The following ZKSCAN1 variants were observed in gnomAD, a reference collection of about 807,000 sequenced individuals.
The protein encoded by ZKSCAN1 is zinc finger with KRAB and SCAN domains 1.
In ZKSCAN1, 14 loss-of-function variants were observed where a neutral mutation model predicts 51.6. The ratio of observed to expected loss-of-function variants is 0.27; its 90% CI spans 0.18 to 0.42. ZKSCAN1 has a LOEUF of 0.42. ZKSCAN1 is among the 10% of genes least tolerant of loss of function. The probability of loss-of-function intolerance (pLI) is 1.00; values close to 1 mark genes in which losing one functional copy is unlikely to be tolerated. For synonymous variants in ZKSCAN1, 263 were observed against 261.5 expected (o/e 1.01, Z -0.06); for missense variants, 531 against 710.0 (o/e 0.75, Z 2.86).
chr7:100,038,267 A>G lies in ZKSCAN1; in HGVS notation c.*4070A>G, dbSNP rs1315222691. 1.0e-6 allele frequency: 1 copy of G among 985,264 alleles called. No homozygotes were observed. Among genetic ancestry groups the G allele is most frequent in the Non-Finnish European group, 1.2e-6 (1 of 829,944 alleles). 61.0% of individuals were successfully genotyped at this position (985,264 alleles called of 1,614,324 possible). A position where few individuals can be genotyped will look rare whatever the true frequency, so the allele number is the denominator to read the frequency against. On this transcript the variant is annotated 3_prime_UTR_variant, in exon 6 of 6. Transcript: ENST00000324306. ...ACTGTATTTTATTTTAGCCTATTTGACAGAACACATCACTCAGAAAAAGTG... is the reference window on the plus strand; with the variant it reads ...ACTGTATTTTATTTTAGCCTATTTGGCAGAACACATCACTCAGAAAAAGTG...
downstream of ZKSCAN1, among the ~76,000 whole-genome samples, chr7:100,043,771 ATTTTTTTTTTTT>A (rs772298225): frequency 1.0e-3 from 59 of 58,922 alleles, no homozygotes; most frequent in South Asian, 2.8e-3. Flanking sequence ...TTCTTTCTTG[ATTTTTTTTTTTT>A]TTTTTTTTTT....
At chr7:100,019,894 G>C (rs1790527408) in intron 1 of ZKSCAN1, among the ~76,000 whole-genome samples, 1 of 151,942 alleles carries the variant, frequency 6.6e-6, no homozygotes, top group African/African-American at 2.4e-5. Flanking sequence ...GTAGAGATGG[G>C]GTTTTGCCAT....
downstream of ZKSCAN1, chr7:100,044,817 A>G (rs1260486504): frequency 1.0e-6 from 1 of 985,066 alleles, no homozygotes; most frequent in Non-Finnish European, 1.2e-6. Flanking sequence ...CATGCTGCAC[A>G]TGTCTTCTGC....
chr7:100,016,382 T>G (rs372657157), intron 1 of ZKSCAN1, among the ~76,000 whole-genome samples: 1 of 152,138 alleles, frequency 6.6e-6, no homozygotes, highest in Non-Finnish European at 1.5e-5. Context: ...AAAAGAGCTG[T>G]CCGGGACGTT....
chr7:100,027,976 AAATT>A (rs1790916378), intron 3 of ZKSCAN1, among the ~76,000 whole-genome samples: 1 of 152,094 alleles, frequency 6.6e-6, no homozygotes, highest in Admixed American at 6.6e-5. Flanking sequence ...GTTCTTAAAT[AAATT>A]GAGACATGTA....
At position 100,030,248 on chromosome 7, in the gene ZKSCAN1, G is replaced by C; in HGVS notation, c.673-1G>C. On this transcript the variant is annotated splice_acceptor_variant, in intron 4 of 5. Coordinates refer to ENST00000324306, the MANE Select transcript of ZKSCAN1 (RefSeq NM_003439.4). LOFTEE classifies it high-confidence loss of function. ...TGACTGTTTGTCTCGTGTTATTTTAGGCAATGGTGAAGATCGAGGACATGG... is the reference window on the plus strand; with the variant it reads ...TGACTGTTTGTCTCGTGTTATTTTACGCAATGGTGAAGATCGAGGACATGG... 1 of 1,613,680 alleles carries C rather than the reference G, an allele frequency of 6.2e-7. No homozygotes were observed. Among genetic ancestry groups the C allele is most frequent in the Non-Finnish European group, 8.5e-7 (1 of 1,179,710 alleles).
chr7:100,022,800 A>C (rs1334949631), intron 1 of ZKSCAN1, among the ~76,000 whole-genome samples: 4 of 152,150 alleles, frequency 2.6e-5, no homozygotes, highest in African/African-American at 9.7e-5. Flanking sequence ...TACTGCTTTA[A>C]GCCTGGCACC....
intron 1 of ZKSCAN1, among the ~76,000 whole-genome samples, chr7:100,020,680 G>A (rs917094914): frequency 2.0e-5 from 3 of 152,234 alleles, no homozygotes. Context: ...TATAATTTTT[G>A]TGCTGTTATA....
intron 3 of ZKSCAN1, among the ~76,000 whole-genome samples, chr7:100,026,366 CT>C (rs1193792784): frequency 2.6e-5 from 4 of 151,856 alleles, no homozygotes; most frequent in Non-Finnish European, 5.9e-5. Flanking sequence ...GGACACTACT[CT>C]ACCATAGACT....
chr7:100,027,477 G>A (rs529286091), intron 3 of ZKSCAN1, among the ~76,000 whole-genome samples: 3 of 151,094 alleles, frequency 2.0e-5, no homozygotes, highest in East Asian at 4.0e-4. Flanking sequence ...GTGGCCAGGC[G>A]TGGTGGCTCA....
chr7:100,023,522 T>C lies in ZKSCAN1; in HGVS notation c.16T>C (p.Ser6Pro). Residue 6 changes from serine (S) to proline (P), a missense_variant, in exon 2 of 6, where the codon TCA becomes CCA. Physicochemically the swap from Ser to Pro is moderately conservative, Grantham distance 74. Coordinates refer to ENST00000324306, the MANE Select transcript of ZKSCAN1 (RefSeq NM_003439.4). ...TGGAGCCTGAATGATGACTGCTGAA[T>C]CACGGGAAGCCACGGGTCTGTCCCC... is the stretch of plus-strand genomic sequence containing the variant. MMTAE[S>P]REATGLSPQA... 6 of 1,611,216 alleles carry C rather than the reference T, an allele frequency of 3.7e-6. No individual in the cohort carries two copies. The highest frequency in any genetic ancestry group is 5.1e-6 in the Non-Finnish European group (6 of 1,179,090).
chr7:100,033,987 T>C lies in ZKSCAN1; in HGVS notation c.1482T>C (p.Cys494=), dbSNP rs1289480475. 1 of 1,614,164 alleles carries C rather than the reference T, an allele frequency of 6.2e-7. No homozygotes were observed. The highest frequency in any genetic ancestry group is 1.1e-5 in the South Asian group (1 of 91,072). ...TGEKPYECSE[C]GKAFNRNSYL... ...AGAAACCCTATGAATGTAGTGAATG[T>C]GGAAAAGCTTTCAACCGAAACTCAT... Residue 494 remains cysteine, a synonymous_variant, in exon 6 of 6, where the codon TGT becomes TGC. Transcript: ENST00000324306. This position sits in a 1 kb window ranked among gnomAD's most constrained non-coding sequence, Gnocchi z 4.1.
chr7:100,038,738 G>T lies in ZKSCAN1; in HGVS notation c.*4541G>T, dbSNP rs1009784013. Reference sequence around the variant, plus strand: ...AGGCTGGGCACAGTGGCTCAGGCCTGTAATCCCAGCACTTTGGGAGACCAA... The same window carrying T: ...AGGCTGGGCACAGTGGCTCAGGCCTTTAATCCCAGCACTTTGGGAGACCAA... On this transcript the variant is annotated 3_prime_UTR_variant, in exon 6 of 6. Transcript: ENST00000324306. 7 of 985,348 alleles carry T rather than the reference G, an allele frequency of 7.1e-6. No homozygotes were observed. Among genetic ancestry groups the T allele is most frequent in the African/African-American group, 1.7e-5 (1 of 57,236 alleles). 61.0% of individuals were successfully genotyped at this position (985,348 alleles called of 1,614,324 possible).
intron 1 of ZKSCAN1, among the ~76,000 whole-genome samples, chr7:100,017,227 A>AT (rs879931640): frequency 1.6e-3 from 245 of 148,490 alleles, no homozygotes; most frequent in African/African-American, 3.8e-3. Context: ...TTAAAAAAAA[A>AT]TTTTTTTTTT....
intron 3 of ZKSCAN1, among the ~76,000 whole-genome samples, chr7:100,029,570 G>A (rs956609895): frequency 6.6e-6 from 1 of 152,168 alleles, no homozygotes; most frequent in African/African-American, 2.4e-5. Context: ...CACTGGGAAT[G>A]TGACATTAGG....
chr7:100,029,886 A>C lies in ZKSCAN1; in HGVS notation c.606A>C (p.Ala202=). 6.2e-7 allele frequency: 1 copy of C among 1,613,788 alleles called. No individual in the cohort carries two copies. The highest frequency in any genetic ancestry group is 1.1e-5 in the South Asian group (1 of 91,064). ...SRALPAAHIP[A]PPHEGSPRDQ... ...CTCTTCCTGCTGCCCACATTCCTGC[A>C]CCCCCTCATGAGGGTAGTCCCAGAG... is the stretch of plus-strand genomic sequence containing the variant. The change falls in exon 4 of 6, where the codon GCA becomes GCC. Residue 202 remains alanine, a synonymous_variant. Transcript: ENST00000324306.
At chr7:100,026,689 C>T (rs1790851201) in intron 3 of ZKSCAN1, among the ~76,000 whole-genome samples, 1 of 151,592 alleles carries the variant, frequency 6.6e-6, no homozygotes. Flanking sequence ...TGCACCACTG[C>T]ACTCCAGCCT....
intron 3 of ZKSCAN1, among the ~76,000 whole-genome samples, chr7:100,028,608 C>G (rs1318406243): frequency 1.3e-5 from 2 of 151,978 alleles, no homozygotes; most frequent in Non-Finnish European, 2.9e-5. Flanking sequence ...ATCTGTCTAC[C>G]AGTAACATTT....
intron 1 of ZKSCAN1, among the ~76,000 whole-genome samples, chr7:100,022,523 A>G (rs1025150753): frequency 2.6e-5 from 4 of 152,182 alleles, no homozygotes; most frequent in African/African-American, 7.2e-5. Flanking sequence ...AGACATTCCA[A>G]TTATTTTCTT....
Sources: allele counts gnomAD v4.1 joint callset (sites outside exome capture counted in the v4.1 genomes callset), GRCh38; gene constraint gnomAD v4.1.1; non-coding constraint Gnocchi (gnomAD v3.1); transcripts MANE v1.5; gene names NCBI Gene and HGNC (gene_info 2026-07-23, HGNC 2026-07-21).